BBS9: variants seen among roughly 807,000 people sequenced by gnomAD.
BBS9 encodes the protein Bardet-Biedl syndrome 9, also known as protein PTHB1.
BBS9 carries 89 observed loss-of-function variants against 117.7 expected under a neutral mutation model. The ratio of observed to expected loss-of-function variants is 0.76; its 90% CI spans 0.64 to 0.90. BBS9 has a LOEUF of 0.90. BBS9 is among the 40% of genes least tolerant of loss of function. BBS9 has a pLI of 0.00. For synonymous variants in BBS9, 379 were observed against 370.9 expected, an observed-to-expected ratio of 1.02 and a Z score of -0.25; for missense variants, 982 against 1,042.2, an observed-to-expected ratio of 0.94 and a Z score of 0.80.
At chr7:33,255,680 A>G (rs2128309251) in intron 5 of BBS9, among the ~76,000 whole-genome samples, 3 of 152,292 alleles carry the variant, frequency 2.0e-5, no homozygotes, top group East Asian at 3.9e-4. Flanking sequence ...AGGCATTTTT[A>G]TACTTACTCA....
chr7:33,220,805 A>G (rs1790101744), intron 5 of BBS9, among the ~76,000 whole-genome samples: 1 of 152,272 alleles, frequency 6.6e-6, no homozygotes, highest in Non-Finnish European at 1.5e-5. Flanking sequence ...TGGAGTAATA[A>G]TAACAAAAAT....
At chr7:33,237,050 CT>C (rs1176874733) in intron 5 of BBS9, among the ~76,000 whole-genome samples, 2 of 151,904 alleles carry the variant, frequency 1.3e-5, no homozygotes, top group Non-Finnish European at 2.9e-5. Context: ...ATTTGTAATT[CT>C]TTATATATTA....
chr7:33,604,422 G>A (rs1052108073), intron 21 of BBS9, among the ~76,000 whole-genome samples: 4 of 152,108 alleles, frequency 2.6e-5, no homozygotes, highest in Non-Finnish European at 5.9e-5. Flanking sequence ...CACAACCACC[G>A]TCCCAGAACA....
intron 19 of BBS9, among the ~76,000 whole-genome samples, chr7:33,444,609 T>G (rs1411339415): frequency 2.0e-5 from 3 of 152,230 alleles, no homozygotes; most frequent in Non-Finnish European, 4.4e-5. Flanking sequence ...AACACTCTTT[T>G]GTAGCATGTT....
chr7:33,193,278 A>C (rs1393810888), intron 5 of BBS9, among the ~76,000 whole-genome samples: 1 of 151,804 alleles, frequency 6.6e-6, no homozygotes, highest in African/African-American at 2.4e-5. Flanking sequence ...TCACTTTGTC[A>C]CTGTGTGTTT....
At chr7:33,449,613 G>A (rs1837495416) in intron 19 of BBS9, among the ~76,000 whole-genome samples, 1 of 152,168 alleles carries the variant, frequency 6.6e-6, no homozygotes, top group African/African-American at 2.4e-5. Context: ...TAATGAGTAA[G>A]TTTTCACATT....
At chr7:33,225,285 C>T (rs1791031293) in intron 5 of BBS9, among the ~76,000 whole-genome samples, 1 of 152,124 alleles carries the variant, frequency 6.6e-6, no homozygotes, top group Non-Finnish European at 1.5e-5. Flanking sequence ...GTGGCCTTGA[C>T]CTCCTGGGCT....
intron 9 of BBS9, among the ~76,000 whole-genome samples, chr7:33,306,500 A>G (rs997711121): frequency 1.1e-4 from 16 of 152,122 alleles, no homozygotes; most frequent in Admixed American, 9.2e-4. Context: ...CAATCAATAA[A>G]TTGTTTTGGA....
At chr7:33,298,873 C>A (rs1805807371) in intron 9 of BBS9, among the ~76,000 whole-genome samples, 1 of 152,156 alleles carries the variant, frequency 6.6e-6, no homozygotes, top group Admixed American at 6.5e-5. Context: ...TACCTTGATG[C>A]AGTATAAAGG....
intron 19 of BBS9, among the ~76,000 whole-genome samples, chr7:33,437,739 T>C (rs13234403): frequency 0.15 from 23,547 of 151,988 alleles, 2,291 homozygotes; most frequent in South Asian, 0.21. Flanking sequence ...AGCCGGACAC[T>C]GTGTTGCATA....
At chr7:33,542,731 G>A (rs112049217) in intron 21 of BBS9, among the ~76,000 whole-genome samples, 65,495 of 144,136 alleles carry the variant, frequency 0.45, 15,367 homozygotes, top group South Asian at 0.57. Flanking sequence ...GTGTGTGTGT[G>A]TATATGTGTG....
chr7:33,339,773 CAGGATT>C (rs1816130160), intron 10 of BBS9, among the ~76,000 whole-genome samples: 1 of 151,994 alleles, frequency 6.6e-6, no homozygotes, highest in East Asian at 1.9e-4. Context: ...TTCCATCTGC[CAGGATT>C]AAGTCCCATG....
At chr7:33,522,327 C>T (rs1848749997) in intron 20 of BBS9, among the ~76,000 whole-genome samples, 2 of 151,870 alleles carry the variant, frequency 1.3e-5, no homozygotes, top group South Asian at 2.1e-4. Context: ...GCCACACTGA[C>T]TTCCACAATG....
At chr7:33,486,283 A>G (rs896738483) in intron 19 of BBS9, among the ~76,000 whole-genome samples, 3 of 152,202 alleles carry the variant, frequency 2.0e-5, no homozygotes, top group African/African-American at 7.2e-5. Flanking sequence ...TGGGCTGTCA[A>G]TGGCCTCCTG....
At chr7:33,401,790 A>G (rs1256368210) in intron 19 of BBS9, among the ~76,000 whole-genome samples, 2 of 152,322 alleles carry the variant, frequency 1.3e-5, no homozygotes, top group Middle Eastern at 3.4e-3. Flanking sequence ...CTGTCTAGAA[A>G]AAAGGCCTGG....
At chr7:33,546,090 C>T (rs60668731) in intron 21 of BBS9, among the ~76,000 whole-genome samples, 71,761 of 151,334 alleles carry the variant, frequency 0.47, 17,605 homozygotes, top group East Asian at 0.62. Context: ...CCTGCCACCG[C>T]GCCTGGCTAA....
chr7:33,535,778 G>A (rs1851268366), intron 21 of BBS9, among the ~76,000 whole-genome samples: 1 of 151,996 alleles, frequency 6.6e-6, no homozygotes, highest in Non-Finnish European at 1.5e-5. Flanking sequence ...AGGGAAAAGG[G>A]CAGATACATT....
At chr7:33,425,344 A>T (rs538370481) in intron 19 of BBS9, among the ~76,000 whole-genome samples, 131 of 152,288 alleles carry the variant, frequency 8.6e-4, no homozygotes, top group African/African-American at 2.2e-3. Context: ...CTTTAAAAAA[A>T]TTTTTTATTT....
chr7:33,237,278 C>T (rs1366475547), intron 5 of BBS9, among the ~76,000 whole-genome samples: 1 of 152,106 alleles, frequency 6.6e-6, no homozygotes, highest in African/African-American at 2.4e-5. Flanking sequence ...TTGTAACTTC[C>T]TCATTTCAGT....
Sources: gnomAD v4.1 joint callset for allele counts (sites outside exome capture counted in the v4.1 genomes callset) on GRCh38, gnomAD v4.1.1 for gene constraint, MANE v1.5 for transcripts, NCBI Gene and HGNC (gene_info 2026-07-23, HGNC 2026-07-21) for gene names.